Variants in RYR1 observed in about 807,000 individuals in gnomAD.
The protein encoded by RYR1 is central core disease of muscle.
Under a neutral mutation model 583.5 loss-of-function variants are expected in RYR1, and 342 were observed. That is an observed-to-expected ratio of 0.59 (90% confidence interval 0.54 to 0.64). RYR1 has a LOEUF of 0.64. Among genes scored for constraint, RYR1 ranks in the 30% least tolerant of loss-of-function variants. RYR1 has a pLI of 0.00. For missense variants in RYR1, 6,032 were observed against 6,917.2 expected, an observed-to-expected ratio of 0.87 and a Z score of 4.54; for synonymous variants, 2,791 against 2,822.5, an observed-to-expected ratio of 0.99 and a Z score of 0.35.
intron 33 of RYR1, among the ~76,000 whole-genome samples, chr19:38,484,546 A>C (rs1377775751): frequency 1.3e-5 from 2 of 151,654 alleles, no homozygotes. Flanking sequence ...TCCAGGCTGG[A>C]GACACCAAGC....
At chr19:38,472,256 G>A (rs184618999) in intron 27 of RYR1, among the ~76,000 whole-genome samples, 7 of 152,136 alleles carry the variant, frequency 4.6e-5, no homozygotes, top group African/African-American at 1.4e-4. Flanking sequence ...GTGCCACCAC[G>A]CCTGGCTAAT....
chr19:38,466,100 G>T lies in RYR1; in HGVS notation c.2880G>T (p.Met960Ile). The change falls in exon 24 of 106, where the codon ATG becomes ATT. Residue 960 changes from methionine to isoleucine, a missense_variant. By Grantham distance (10) the Met-to-Ile change is conservative. This residue lies in a region of RYR1 where 2,627 missense variants were observed against 2,961.3 expected (regional missense o/e 0.89). Coordinates refer to ENST00000359596, the MANE Select transcript of RYR1 (RefSeq NM_000540.3). ...CCTACCATGCCCGCAGGTATATGAT[G>T]AGCAATGGGTACAAGCCGGCTCCGC... is the stretch of plus-strand genomic sequence containing the variant. ...KKTKLPKTYM[M>I]SNGYKPAPLD... 6.2e-7 allele frequency: 1 copy of T among 1,610,210 alleles called. No individual in the cohort carries two copies. The highest frequency in any genetic ancestry group is 1.1e-5 in the South Asian group (1 of 90,422).
In RYR1 at chr19:38,459,299, G is replaced by A; in HGVS notation, c.2321G>A (p.Gly774Glu). The A allele has an allele frequency of 6.2e-7, 1 of 1,614,058 alleles. No individual in the cohort carries two copies. Among genetic ancestry groups the A allele is most frequent in the East Asian group, 2.2e-5 (1 of 44,868 alleles). The change falls in exon 19 of 106, where the codon GGG becomes GAG. Residue 774 changes from glycine to glutamate, a missense_variant. By Grantham distance (98) the Gly-to-Glu change is moderately conservative. Transcript: ENST00000359596. ...QGVFESFNLD[G>E]LFFPVVSFSA... ...GTCTTTGAGTCCTTCAACCTGGACG[G>A]GCTCTTCTTCCCTGTTGTCAGCTTC...
At chr19:38,525,608 C>T in intron 71 of RYR1, 106 bp downstream of exon 71, 1 of 1,230,420 alleles carries the variant, frequency 8.1e-7, no homozygotes, top group Admixed American at 2.0e-5. Flanking sequence ...CCCCCCAGGT[C>T]CCTGGGAGCC....
Position 38,504,294 on chromosome 19 carries a change from C to T in RYR1, c.8001C>T (p.Thr2667=), listed in dbSNP as rs758005509. 6.2e-7 allele frequency: 1 copy of T among 1,614,114 alleles called. No individual in the cohort carries two copies. Among genetic ancestry groups the T allele is most frequent in the Admixed American group, 1.7e-5 (1 of 60,014 alleles). The change falls in exon 50 of 106, where the codon ACC becomes ACT. Residue 2667 remains threonine, a synonymous_variant. Transcript: ENST00000359596. ...CGGGCTGGGCCAACTTCGGGGTCAC[C>T]TCAGAGGAGGAGCTGCACCTCACAC... ...LPTGWANFGV[T]SEEELHLTRK... is the part of the protein sequence containing the mutation.
In RYR1 at chr19:38,483,265, C is replaced by A. The variant is rs1438416736; in HGVS notation, c.4708-25C>A. Reference sequence around the variant, plus strand: ...GGACAGAGGGGGCTGGCCATCTTGACCCATGTGTGTCTCTCTGCCCTCAGA... The same window carrying A: ...GGACAGAGGGGGCTGGCCATCTTGAACCATGTGTGTCTCTCTGCCCTCAGA... On this transcript the variant is annotated intron_variant, in intron 32 of 105. Coordinates refer to ENST00000359596, the MANE Select transcript of RYR1 (RefSeq NM_000540.3). This position sits in a 1 kb window ranked among gnomAD's most constrained non-coding sequence, Gnocchi z 6.3. 6 of 1,564,858 alleles carry A rather than the reference C, an allele frequency of 3.8e-6. No homozygotes were observed. Among genetic ancestry groups the A allele is most frequent in the Non-Finnish European group, 4.3e-6 (5 of 1,154,624 alleles).
At chr19:38,515,796 A>G (rs1970941424) in intron 64 of RYR1, among the ~76,000 whole-genome samples, 2 of 152,050 alleles carry the variant, frequency 1.3e-5, no homozygotes, top group Admixed American at 6.6e-5. Context: ...AAAACTAGCT[A>G]GGCATGGTAT....
At position 38,494,642 on chromosome 19, in the gene RYR1, C is replaced by T; in HGVS notation, c.6548+17C>T. On this transcript the variant is annotated intron_variant, in intron 39 of 105. Coordinates refer to ENST00000359596, the MANE Select transcript of RYR1 (RefSeq NM_000540.3). The stretch of plus-strand genomic sequence containing the variant: ...GAGCATCGGGTGAGACACCGCCCTT[C>T]CCCCTTACTTTGCATATCCCCTTGG... 2 of 1,613,902 alleles carry T rather than the reference C, an allele frequency of 1.2e-6. No individual in the cohort carries two copies. The highest frequency in any genetic ancestry group is 2.2e-5 in the East Asian group (1 of 44,890).
rs1568524894 is a variant in RYR1, at chr19:38,515,039, G to C, written c.9486G>C (p.Gln3162His). The change falls in exon 64 of 106, where the codon CAG becomes CAC. Residue 3162 changes from glutamine (Q) to histidine (H), a missense_variant. This residue lies in a region of RYR1 where 1,493 missense variants were observed against 1,715.5 expected (regional missense o/e 0.87). Transcript: ENST00000359596. ...TGTCTCCCTCAGTGGACGACGTCCA[G>C]GTCTCTTGCTACCGAACGCTGTGCA... ...FGDDVILDDV[Q>H]VSCYRTLCSI... 1 of 1,613,506 alleles carries C rather than the reference G, an allele frequency of 6.2e-7. No homozygotes were observed. The highest frequency in any genetic ancestry group is 8.5e-7 in the Non-Finnish European group (1 of 1,179,844).
chr19:38,535,451 C>T lies in RYR1; in HGVS notation c.11516+59C>T. 20 of 1,258,326 alleles carry T rather than the reference C, an allele frequency of 1.6e-5. 1 individual carries two copies. In the South Asian group the frequency reaches 2.1e-4, roughly 14 times the overall value. 77.9% of individuals were successfully genotyped at this position (1,258,326 alleles called of 1,614,324 possible). A position where few individuals can be genotyped will look rare whatever the true frequency, so the allele number is the denominator to read the frequency against. ...TGTTTGGTGCCACTGCCACCCCACT[C>T]CTGGTACCATTTCCAGTTCTGATTC... On this transcript the variant is annotated intron_variant, in intron 81 of 105. Transcript: ENST00000359596.
intron 94 of RYR1, among the ~76,000 whole-genome samples, chr19:38,571,061 G>T (rs1351734000): frequency 2.0e-5 from 3 of 152,254 alleles, no homozygotes; most frequent in Admixed American, 2.0e-4. Flanking sequence ...CTAAACAGAA[G>T]TTTGCAGGGA....
intron 38 of RYR1, among the ~76,000 whole-genome samples, chr19:38,493,590 G>T (rs983142837): frequency 5.3e-5 from 8 of 151,022 alleles, no homozygotes; most frequent in African/African-American, 2.0e-4. Flanking sequence ...CGCGATCTTG[G>T]CTCACTGCAA....
rs545083590 is a variant in RYR1 at position 38,463,177 on chromosome 19, G to A, written c.2578-246G>A. On this transcript the variant is annotated intron_variant, in intron 20 of 105. Transcript: ENST00000359596. ...CCCCACTTAGCCTCCCAAAGTGCTGGGATTACAGATGTGAGCCACTACGGC... is the reference window on the plus strand; with the variant it reads ...CCCCACTTAGCCTCCCAAAGTGCTGAGATTACAGATGTGAGCCACTACGGC... Among the ~76,000 whole-genome samples, 9 of 108,772 alleles carry A rather than the reference G, an allele frequency of 8.3e-5. No individual in the cohort carries two copies. In the East Asian group the frequency reaches 2.3e-3, roughly 28 times the overall value. The allele number at this position is 108,772 out of a possible 152,430, so 71.4% of individuals were successfully genotyped here. A position where few individuals can be genotyped will look rare whatever the true frequency, so the allele number is the denominator to read the frequency against.
intron 64 of RYR1, among the ~76,000 whole-genome samples, chr19:38,515,672 A>T (rs191678255): frequency 1.3e-5 from 2 of 152,258 alleles, no homozygotes; most frequent in Admixed American, 6.5e-5. Flanking sequence ...GGTGTGGTGT[A>T]GTGGCGCTGG....
Position 38,515,252 on chromosome 19 carries a change from C to A in RYR1, c.9554+145C>A, listed in dbSNP as rs372677097. 132 of 711,802 alleles carry A rather than the reference C, an allele frequency of 1.9e-4. No individual in the cohort carries two copies. In the African/African-American group the frequency reaches 2.2e-3, roughly 12 times the overall value. The allele number at this position is 711,802 out of a possible 1,614,324, so 44.1% of individuals were successfully genotyped here. On this transcript the variant is annotated intron_variant, in intron 64 of 105. Coordinates refer to ENST00000359596, the MANE Select transcript of RYR1 (RefSeq NM_000540.3). ...CGGCAGCCGCGGTTCCCCACGGCGG[C>A]CGCGTGAGGGCGCTCAGGGACAGGT...
chr19:38,534,005 ATTTT>A (rs71165556), intron 78 of RYR1, among the ~76,000 whole-genome samples: 1 of 127,424 alleles, frequency 7.8e-6, no homozygotes, highest in Non-Finnish European at 1.6e-5. Flanking sequence ...ACCATCTGTA[ATTTT>A]TTTTTTTTTT....
intron 96 of RYR1, among the ~76,000 whole-genome samples, chr19:38,573,693 CA>C (rs75549330): frequency 1.2e-3 from 150 of 129,564 alleles, no homozygotes; most frequent in Non-Finnish European, 1.3e-3. Flanking sequence ...TCCCCCCAGA[CA>C]AAAAAAAAAA....
Position 38,490,604 on chromosome 19 carries a change from C to G in RYR1, c.6016-17C>G. The G allele has an allele frequency of 6.6e-7, 1 of 1,522,152 alleles. No homozygotes were observed. The highest frequency in any genetic ancestry group is 1.1e-5 in the South Asian group (1 of 89,072). The allele number at this position is 1,522,152 out of a possible 1,614,324, so 94.3% of individuals were successfully genotyped here. On this transcript the variant is annotated splice_polypyrimidine_tract_variant and intron_variant, in intron 36 of 105. Coordinates refer to ENST00000359596, the MANE Select transcript of RYR1 (RefSeq NM_000540.3). ...TGGGATCTCAGACCCTCATTCTAAT[C>G]TTTGACCTTCCCCTAGATCAATATG...
At position 38,469,351 on chromosome 19, in the gene RYR1, G is replaced by A; in HGVS notation, c.3603G>A (p.Leu1201=). 3 of 1,614,024 alleles carry A rather than the reference G, an allele frequency of 1.9e-6. No individual in the cohort carries two copies. The highest frequency in any genetic ancestry group is 2.5e-6 in the Non-Finnish European group (3 of 1,180,026). The part of the protein sequence containing the change: ...CSLGPGQVGH[L]NLGQDVSSLR... ...TGGGACCTGGCCAGGTGGGTCATCT[G>A]AACCTGGGCCAGGACGTGAGCTCTC... The change falls in exon 27 of 106, where the codon CTG becomes CTA. Residue 1201 remains leucine (L), a synonymous_variant. Coordinates refer to ENST00000359596, the MANE Select transcript of RYR1 (RefSeq NM_000540.3).
Sources: gnomAD v4.1 joint callset for allele counts (sites outside exome capture counted in the v4.1 genomes callset) on GRCh38, gnomAD v4.1.1 for gene constraint, gnomAD v4.1.1 regional missense constraint, Gnocchi (gnomAD v3.1) non-coding constraint, MANE v1.5 for transcripts, NCBI Gene and HGNC (gene_info 2026-07-23, HGNC 2026-07-21) for gene names.